Variants in SHISAL2A observed in about 807,000 individuals in gnomAD.
The protein encoded by SHISAL2A is protein shisa-like-2A.
Under a neutral mutation model 11.5 loss-of-function variants are expected in SHISAL2A, and 18 were observed. The observed-to-expected ratio is 1.57, with a 90% CI of 1.08 to 2.33. The LOEUF (loss-of-function observed/expected upper bound fraction) is 2.33, where lower values mean the gene tolerates loss of function less well. Among genes scored for constraint, SHISAL2A ranks in the 30% most tolerant of loss-of-function variants. SHISAL2A has a pLI of 0.00. For synonymous variants in SHISAL2A, 94 were observed against 99.6 expected (o/e 0.94, Z 0.34); for missense variants, 261 against 250.9 (o/e 1.04, Z -0.27).
chr1:52,633,458 T>A lies in SHISAL2A; in HGVS notation c.-36T>A. On this transcript the variant is annotated 5_prime_UTR_variant, in exon 1 of 3. Transcript: ENST00000517870. The surrounding 1 kb of genome is among the most constrained non-coding windows in gnomAD (Gnocchi z 6.4). The stretch of plus-strand genomic sequence containing the variant: ...CGCCGGGCTCTAGCCGGCCGTCTGG[T>A]GGCCCGAGGTGGCGGCGGGCTGGGC... 6.9e-7 allele frequency: 1 copy of A among 1,439,874 alleles called. No homozygotes were observed. Among genetic ancestry groups the A allele is most frequent in the South Asian group, 1.5e-5 (1 of 68,178 alleles). The allele number at this position is 1,439,874 out of a possible 1,614,324, so 89.2% of individuals were successfully genotyped here.
At chr1:52,666,359 G>A (rs946324631) in intron 4 of SHISAL2A, among the ~76,000 whole-genome samples, 1 of 152,090 alleles carries the variant, frequency 6.6e-6, no homozygotes, top group African/African-American at 2.4e-5. Flanking sequence ...GGCTGAGGCA[G>A]GAGAATCACT....
intron 2 of SHISAL2A, among the ~76,000 whole-genome samples, chr1:52,655,962 C>T (rs1480742395): frequency 1.3e-5 from 2 of 152,122 alleles, no homozygotes; most frequent in Admixed American, 6.5e-5. Context: ...GTGGATACCA[C>T]AGATGACTAT....
chr1:52,634,251 TC>T (rs1234126890), intron 1 of SHISAL2A, among the ~76,000 whole-genome samples: 2 of 151,882 alleles, frequency 1.3e-5, no homozygotes, highest in Non-Finnish European at 2.9e-5. Flanking sequence ...AACCTCAACC[TC>T]CAGACTTAAC....
exon 6 of SHISAL2A, chr1:52,668,666 G>C (rs1328798082): frequency 6.6e-6 from 1 of 152,168 alleles, no homozygotes; most frequent in Admixed American, 6.5e-5. Flanking sequence ...GAGACCAGCC[G>C]TTACCCCAAC....
At chr1:52,669,140 C>CTTTTTTTTT (rs3082851) in exon 6 of SHISAL2A, 1 of 119,974 alleles carries the variant, frequency 8.3e-6, no homozygotes, top group African/African-American at 3.3e-5. Flanking sequence ...CCAATTGGAT[C>CTTTTTTTTT]TTTTTTTTTT....
chr1:52,657,297 G>A (rs141946912), downstream of SHISAL2A, among the ~76,000 whole-genome samples: 258 of 152,274 alleles, frequency 1.7e-3, 5 homozygotes, highest in East Asian at 0.047. Flanking sequence ...AAGGCACAGA[G>A]GAGCCCCTCA....
intron 4 of SHISAL2A, among the ~76,000 whole-genome samples, chr1:52,665,802 T>G (rs1692000040): frequency 6.6e-6 from 1 of 152,150 alleles, no homozygotes; most frequent in Non-Finnish European, 1.5e-5. Context: ...CTGCAAGTTC[T>G]GGTACATGGT....
intron 4 of SHISAL2A, among the ~76,000 whole-genome samples, chr1:52,664,771 C>T (rs1364220827): frequency 6.6e-6 from 1 of 152,144 alleles, no homozygotes; most frequent in East Asian, 1.9e-4. Context: ...GCTGGGATTA[C>T]AGGCATGAGC....
intron 1 of SHISAL2A, 58 bp from the exon 2 acceptor site, chr1:52,642,805 C>T: frequency 1.0e-5 from 16 of 1,552,752 alleles, no homozygotes; most frequent in African/African-American, 1.4e-5. Context: ...ACTTTTATAA[C>T]ATCTGTCTCC....
At chr1:52,642,200 T>TG (rs1033261301) in intron 1 of SHISAL2A, among the ~76,000 whole-genome samples, 15 of 152,104 alleles carry the variant, frequency 9.9e-5, no homozygotes, top group African/African-American at 2.9e-4. Context: ...AACAGCAGTA[T>TG]GGGGGGGTCC....
At position 52,633,789 on chromosome 1, in the gene SHISAL2A, C is replaced by T; in HGVS notation, c.182+114C>T. 1 of 818,688 alleles carries T rather than the reference C, an allele frequency of 1.2e-6. No homozygotes were observed. Among genetic ancestry groups the T allele is most frequent in the Non-Finnish European group, 1.9e-6 (1 of 514,158 alleles). The allele number at this position is 818,688 out of a possible 1,614,324, so 50.7% of individuals were successfully genotyped here. A position where few individuals can be genotyped will look rare whatever the true frequency, so the allele number is the denominator to read the frequency against. On this transcript the variant is annotated intron_variant, in intron 1 of 2. Coordinates refer to ENST00000517870, the MANE Select transcript of SHISAL2A (RefSeq NM_001042693.3). The surrounding 1 kb of genome is among the most constrained non-coding windows in gnomAD (Gnocchi z 6.4). The stretch of plus-strand genomic sequence containing the variant: ...TGAACATCAGCAGCAAGCTCTAGTC[C>T]TTACCGTCCTCATGCCCACAGCATC...
rs543738938 is a variant in SHISAL2A, at chr1:52,653,819, C to T, written c.323-2971C>T. Among the ~76,000 whole-genome samples, 42 of 152,136 alleles carry T rather than the reference C, an allele frequency of 2.8e-4. No homozygotes were observed. In the South Asian group the frequency reaches 8.7e-3, roughly 32 times the overall value. ...AATGGCACAATCTAGCCTCAACTTC[C>T]TGGGCTCAAGTGACCCTCCCACCTC... On this transcript the variant is annotated intron_variant, in intron 2 of 2. Transcript: ENST00000517870.
intron 1 of SHISAL2A, among the ~76,000 whole-genome samples, chr1:52,639,068 C>T (rs1691300046): frequency 6.6e-6 from 1 of 151,896 alleles, no homozygotes; most frequent in South Asian, 2.1e-4. Flanking sequence ...AGCTACTCAA[C>T]AGGCTGAGGC....
At chr1:52,660,753 G>A (rs536960239), downstream of SHISAL2A, among the ~76,000 whole-genome samples, 6 of 152,252 alleles carry the variant, frequency 3.9e-5, no homozygotes, top group African/African-American at 1.4e-4. Flanking sequence ...ATCCTGCTAG[G>A]TGTTTTTTTC....
At chr1:52,663,598 T>C (rs1691948815) in intron 4 of SHISAL2A, among the ~76,000 whole-genome samples, 1 of 151,824 alleles carries the variant, frequency 6.6e-6, no homozygotes. Context: ...CCGTCTCTAC[T>C]AAATATACAA....
chr1:52,649,626 A>G (rs1416586438), intron 2 of SHISAL2A, among the ~76,000 whole-genome samples: 1 of 152,202 alleles, frequency 6.6e-6, no homozygotes, highest in Admixed American at 6.5e-5. Context: ...TTTGTGAGGA[A>G]CTGGCTAGAT....
At position 52,650,722 on chromosome 1, in the gene SHISAL2A, G is replaced by A. The variant is rs180922575; in HGVS notation, c.323-6068G>A. Among the ~76,000 whole-genome samples the A allele has an allele frequency of 1.7e-3, 230 of 135,618 alleles. 1 individual carries two copies. The highest frequency in any genetic ancestry group is 6.0e-3 in the African/African-American group (215 of 36,088). 89.0% of individuals were successfully genotyped at this position (135,618 alleles called of 152,430 possible). A position where few individuals can be genotyped will look rare whatever the true frequency, so the allele number is the denominator to read the frequency against. ...TGCAGTGGTGTGATCTTGGCTCACT[G>A]CAACCTTCGCCTCCCGGGTTCAAGC... On this transcript the variant is annotated intron_variant, in intron 2 of 2. Transcript: ENST00000517870.
intron 1 of SHISAL2A, among the ~76,000 whole-genome samples, chr1:52,634,881 T>C (rs1231057216): frequency 6.6e-6 from 1 of 152,202 alleles, no homozygotes; most frequent in Non-Finnish European, 1.5e-5. Flanking sequence ...AAGGCAGTGG[T>C]AACGGTCAAA....
intron 4 of SHISAL2A, chr1:52,667,380 A>AG: frequency 1.0e-6 from 1 of 984,522 alleles, no homozygotes; most frequent in Non-Finnish European, 1.2e-6. Context: ...ATTTGTTCAC[A>AG]TTCTCTATGA....
Sources: allele counts gnomAD v4.1 joint callset (sites outside exome capture counted in the v4.1 genomes callset), GRCh38; gene constraint gnomAD v4.1.1; non-coding constraint Gnocchi (gnomAD v3.1); transcripts MANE v1.5; gene names NCBI Gene and HGNC (gene_info 2026-07-23, HGNC 2026-07-21).